POU2F2: variants seen among roughly 807,000 people sequenced by gnomAD.
POU2F2 encodes POU class 2 homeobox 2, also known as POU domain, class 2, transcription factor 2.
A neutral mutation model predicts 63.5 loss-of-function variants in POU2F2; 14 were observed. That is an observed-to-expected ratio of 0.22 (90% confidence interval 0.15 to 0.34). The LOEUF is 0.34. Ranked by LOEUF, POU2F2 falls within the 10% of genes least tolerant of loss-of-function variation. POU2F2 has a pLI of 1.00. For missense variants in POU2F2, 607 were observed against 815.2 expected (o/e 0.74, Z 3.11); for synonymous variants, 306 against 348.6 (o/e 0.88, Z 1.36).
chr19:42,129,752 C>A (rs564307219), intron 1 of POU2F2, among the ~76,000 whole-genome samples: 1 of 152,344 alleles, frequency 6.6e-6, no homozygotes, highest in East Asian at 1.9e-4. Flanking sequence ...CCCCTCCCCA[C>A]CCCACAGCTG....
chr19:42,124,295 C>T (rs957635532), intron 1 of POU2F2, among the ~76,000 whole-genome samples: 5 of 142,152 alleles, frequency 3.5e-5, no homozygotes, highest in Admixed American at 7.2e-5. Context: ...CAGAGTGAGA[C>T]CCTGTCTCAA....
In POU2F2 at chr19:42,119,471, G is replaced by C. The variant is rs1455769457; in HGVS notation, c.187-2039C>G. On this transcript the variant is annotated intron_variant, in intron 4 of 14. Coordinates refer to ENST00000692977, the MANE Select transcript of POU2F2 (RefSeq NM_001394376.1). ...GAGGATCACTTGAGGTCTGGAGTTC[G>C]AGACCAGCCTGGCCAACATGGTGAA... Among the ~76,000 whole-genome samples, 4 of 152,124 alleles carry C rather than the reference G, an allele frequency of 2.6e-5. 1 individual carries two copies. Among genetic ancestry groups the C allele is most frequent in the African/African-American group, 7.2e-5 (3 of 41,426 alleles).
chr19:42,151,838 C>T (rs898427816), intron 2 of POU2F2, among the ~76,000 whole-genome samples: 1 of 152,212 alleles, frequency 6.6e-6, no homozygotes, highest in Non-Finnish European at 1.5e-5. Context: ...GCTAAGCGTT[C>T]TCCTCTCTTA....
intron 1 of POU2F2, among the ~76,000 whole-genome samples, chr19:42,131,753 A>T (rs2033755107): frequency 6.6e-6 from 1 of 152,154 alleles, no homozygotes. Flanking sequence ...GGGTGAGGGG[A>T]CTGAGAGTGA....
chr19:42,160,917 A>C (rs757253313), intron 1 of POU2F2, among the ~76,000 whole-genome samples: 11 of 152,218 alleles, frequency 7.2e-5, no homozygotes, highest in Non-Finnish European at 1.0e-4. Context: ...TAAAAGTCAT[A>C]ATGATATTTC....
chr19:42,089,840 G>A lies in POU2F2; in HGVS notation c.*1417C>T, dbSNP rs2076658943. 6.6e-6 allele frequency: 1 copy of A among 151,866 alleles called. No homozygotes were observed. Among genetic ancestry groups the A allele is most frequent in the Non-Finnish European group, 1.5e-5 (1 of 67,998 alleles). The allele number at this position is 151,866 out of a possible 1,614,324, so 9.4% of individuals were successfully genotyped here. On this transcript the variant is annotated 3_prime_UTR_variant, in exon 15 of 15. Transcript: ENST00000692977. The stretch of plus-strand genomic sequence containing the variant: ...TTGTTGGCCTCCACAATAGCAGGAG[G>A]GCAGGGTGGCTCCCAGTGGTGTCTC...
In POU2F2 at chr19:42,117,665, G is replaced by C. The variant is rs913522232; in HGVS notation, c.187-233C>G. On this transcript the variant is annotated intron_variant, in intron 4 of 14. Transcript: ENST00000692977. The surrounding 1 kb of genome is among the most constrained non-coding windows in gnomAD (Gnocchi z 4.4). ...GCAGAGCACTTTTCCCCTCCTGAGA[G>C]TCAGTTTTCCTGTCTGTAAAATGGA... Among the ~76,000 whole-genome samples the C allele has an allele frequency of 4.6e-5, 7 of 152,050 alleles. No individual in the cohort carries two copies. The highest frequency in any genetic ancestry group is 4.6e-4 in the Admixed American group (7 of 15,260).
intron 1 of POU2F2, among the ~76,000 whole-genome samples, chr19:42,175,458 G>A (rs1018458828): frequency 6.6e-6 from 1 of 151,492 alleles, no homozygotes; most frequent in Non-Finnish European, 1.5e-5. Context: ...GGCAGGAAGG[G>A]AAGAATAAAA....
chr19:42,151,004 C>T (rs1188029391), intron 2 of POU2F2, among the ~76,000 whole-genome samples: 1 of 152,244 alleles, frequency 6.6e-6, no homozygotes, highest in Non-Finnish European at 1.5e-5. Flanking sequence ...AGTACCCACA[C>T]ACACATATCC....
At chr19:42,177,333 G>GGCGCGAGCCCAGGCGC (rs2034905815), upstream of POU2F2, 1 of 153,052 alleles carries the variant, frequency 6.5e-6, no homozygotes, top group African/African-American at 2.4e-5. Context: ...CTGAGCTGCC[G>GGCGCGAGCCCAGGCGC]GCGCGAGCCC....
intron 1 of POU2F2, among the ~76,000 whole-genome samples, chr19:42,182,198 T>C (rs947992618): frequency 1.3e-5 from 2 of 150,794 alleles, no homozygotes; most frequent in South Asian, 4.2e-4. Flanking sequence ...GCCAAGATTG[T>C]TCCACTGCAC....
intron 5 of POU2F2, among the ~76,000 whole-genome samples, chr19:42,106,026 TC>T (rs1310400919): frequency 2.7e-5 from 4 of 149,012 alleles, no homozygotes; most frequent in Admixed American, 6.7e-5. Flanking sequence ...TTTCTTTCTT[TC>T]TTTCTTTCTT....
chr19:42,173,749 C>A (rs905464890), intron 1 of POU2F2, among the ~76,000 whole-genome samples: 1 of 152,046 alleles, frequency 6.6e-6, no homozygotes, highest in African/African-American at 2.4e-5. Context: ...TGAGCGCAAC[C>A]AAGACCCCCA....
rs1230342851 is a variant in POU2F2 at position 42,092,247 on chromosome 19, C to G, written c.1288G>C (p.Gly430Arg). 4.5e-6 allele frequency: 7 copies of G among 1,561,024 alleles called. No individual in the cohort carries two copies. Among genetic ancestry groups the G allele is most frequent in the Middle Eastern group, 3.4e-4 (2 of 5,954 alleles). ...GCTGTCCGGCTGGGGTGGAGCGTCC[C>G]CACAGCTGAGGATAAGGTAGTAACT... Reference protein sequence around the residue: ...TTVTTLSSAVGTLHPSRTAGG... With the variant: ...TTVTTLSSAVRTLHPSRTAGG... The change falls in exon 13 of 15, where the codon GGG becomes CGG. Residue 430 changes from glycine to arginine, a missense_variant. By Grantham distance (125) the Gly-to-Arg change is moderately radical (BLOSUM62 -2). This residue lies in a region of POU2F2 where 270 missense variants were observed against 307.5 expected (regional missense o/e 0.88). Coordinates refer to ENST00000692977, the MANE Select transcript of POU2F2 (RefSeq NM_001394376.1). This position sits in a 1 kb window ranked among gnomAD's most constrained non-coding sequence, Gnocchi z 5.0.
chr19:42,111,996 G>A (rs1346266730), intron 5 of POU2F2, among the ~76,000 whole-genome samples: 1 of 152,288 alleles, frequency 6.6e-6, no homozygotes, highest in Non-Finnish European at 1.5e-5. Context: ...ACCACAAATG[G>A]AGAATGATTC....
chr19:42,159,226 G>GA (rs1319575912), intron 2 of POU2F2, among the ~76,000 whole-genome samples: 1 of 152,146 alleles, frequency 6.6e-6, no homozygotes, highest in Non-Finnish European at 1.5e-5. Context: ...GGCTTCTCTT[G>GA]AAAAATCAGA....
intron 5 of POU2F2, among the ~76,000 whole-genome samples, chr19:42,102,233 C>T (rs1052919666): frequency 1.3e-5 from 2 of 152,124 alleles, no homozygotes; most frequent in Non-Finnish European, 2.9e-5. Flanking sequence ...CATGCCACAA[C>T]GTAGACTTCC....
At chr19:42,180,012 CCA>C (rs1367060584), upstream of POU2F2, among the ~76,000 whole-genome samples, 1 of 152,134 alleles carries the variant, frequency 6.6e-6, no homozygotes, top group Non-Finnish European at 1.5e-5. Flanking sequence ...CTCCTGGGAT[CCA>C]CACAGTGTGT....
intron 1 of POU2F2, among the ~76,000 whole-genome samples, chr19:42,190,879 A>G (rs2035068439): frequency 6.6e-6 from 1 of 152,032 alleles, no homozygotes; most frequent in Non-Finnish European, 1.5e-5. Context: ...GTAACGGTAA[A>G]GTGGATTTTA....
Sources: gnomAD v4.1 joint callset for allele counts (sites outside exome capture counted in the v4.1 genomes callset) on GRCh38, gnomAD v4.1.1 for gene constraint, gnomAD v4.1.1 regional missense constraint, Gnocchi (gnomAD v3.1) non-coding constraint, MANE v1.5 for transcripts, NCBI Gene and HGNC (gene_info 2026-07-23, HGNC 2026-07-21) for gene names.